Variants in KMT2C observed in about 807,000 individuals in gnomAD.
KMT2C encodes histone-lysine N-methyltransferase 2C.
KMT2C carries 88 observed loss-of-function variants against 507.9 expected under a neutral mutation model. The ratio of observed to expected loss-of-function variants is 0.17; its 90% CI spans 0.15 to 0.21. The LOEUF (loss-of-function observed/expected upper bound fraction) is 0.21. Ranked by LOEUF, KMT2C falls within the 10% of genes least tolerant of loss-of-function variation. KMT2C has a pLI of 1.00. For synonymous variants in KMT2C, 2,049 were observed against 2,080.8 expected (o/e 0.98, Z 0.42); for missense variants, 4,954 against 5,957.8 (o/e 0.83, Z 5.55).
chr7:152,250,807 T>C (rs2095551122), intron 12 of KMT2C, 46 bp downstream of exon 12: 2 of 1,005,282 alleles, frequency 2.0e-6, no homozygotes, highest in Non-Finnish European at 3.2e-6. Flanking sequence ...TTATTGTATA[T>C]ACACATTTTC....
At position 152,358,599 on chromosome 7, in the gene KMT2C, T is replaced by A. The variant is rs371748109; in HGVS notation, c.238A>T (p.Ile80Phe). 1 of 1,607,316 alleles carries A rather than the reference T, an allele frequency of 6.2e-7. No individual in the cohort carries two copies. Among genetic ancestry groups the A allele is most frequent in the South Asian group, 1.1e-5 (1 of 90,492 alleles). Residue 80 changes from isoleucine (I) to phenylalanine (F), a missense_variant, in exon 2 of 59, where the codon ATT (isoleucine) becomes TTT (phenylalanine). Transcript: ENST00000262189. ...DGLETTETET[I>F]VETEIKEQSA... Reference sequence around the variant, plus strand: ...TGAGTTCTGATACCTGTTTCCACAATCGTTTCTGTTTCTGTTGTCTCCAGC... The same window carrying A: ...TGAGTTCTGATACCTGTTTCCACAAACGTTTCTGTTTCTGTTGTCTCCAGC...
At chr7:152,372,170 G>C (rs184650568) in intron 1 of KMT2C, among the ~76,000 whole-genome samples, 5 of 151,824 alleles carry the variant, frequency 3.3e-5, no homozygotes, top group African/African-American at 9.7e-5. Flanking sequence ...ATTTTTGATT[G>C]TTTAAGACGG....
At chr7:152,215,981 C>T (rs1287768760) in intron 23 of KMT2C, among the ~76,000 whole-genome samples, 1 of 152,136 alleles carries the variant, frequency 6.6e-6, no homozygotes, top group Non-Finnish European at 1.5e-5. Flanking sequence ...GAAGCAGCCA[C>T]CTTCACCAGA....
chr7:152,211,177 C>A (rs920967685), intron 23 of KMT2C, among the ~76,000 whole-genome samples: 1 of 152,130 alleles, frequency 6.6e-6, no homozygotes, highest in African/African-American at 2.4e-5. Context: ...ATAGAGAGAA[C>A]CGAGTTCTTC....
At chr7:152,246,203 C>T (rs2129162634) in intron 14 of KMT2C, among the ~76,000 whole-genome samples, 1 of 152,254 alleles carries the variant, frequency 6.6e-6, no homozygotes, top group Non-Finnish European at 1.5e-5. Context: ...TTAGCAGGTT[C>T]ATCATCAAGT....
At chr7:152,372,526 G>C (rs979684618) in intron 1 of KMT2C, among the ~76,000 whole-genome samples, 1 of 152,170 alleles carries the variant, frequency 6.6e-6, no homozygotes, top group Non-Finnish European at 1.5e-5. Context: ...TTAAAGGACT[G>C]AGGCTGAAAG....
intron 6 of KMT2C, among the ~76,000 whole-genome samples, chr7:152,283,421 T>C (rs1471052994): frequency 1.3e-5 from 2 of 152,116 alleles, no homozygotes; most frequent in African/African-American, 4.8e-5. Context: ...ACTTAAATCA[T>C]GTCTTTTAAG....
intron 3 of KMT2C, among the ~76,000 whole-genome samples, chr7:152,327,377 C>T (rs1337481382): frequency 6.6e-6 from 1 of 152,134 alleles, no homozygotes. Context: ...CATACTGTGT[C>T]CTTAAGATCT....
At chr7:152,259,446 G>GA (rs2095721705) in intron 9 of KMT2C, among the ~76,000 whole-genome samples, 2 of 134,686 alleles carry the variant, frequency 1.5e-5, no homozygotes, top group African/African-American at 5.6e-5. Context: ...ACACACACGC[G>GA]CACACACACA....
chr7:152,233,798 G>A (rs1205009419), intron 16 of KMT2C, among the ~76,000 whole-genome samples: 2 of 152,164 alleles, frequency 1.3e-5, no homozygotes, highest in African/African-American at 2.4e-5. Flanking sequence ...TATGCAAGGA[G>A]AGACAGATAA....
chr7:152,392,703 G>C (rs910078581), intron 1 of KMT2C, among the ~76,000 whole-genome samples: 1 of 152,186 alleles, frequency 6.6e-6, no homozygotes, highest in African/African-American at 2.4e-5. Context: ...GAAGTGGTCT[G>C]GGTCACACAG....
rs1235467493 is a variant in KMT2C, at chr7:152,182,410, C to T, written c.5450G>A (p.Gly1817Glu). 2 of 1,613,420 alleles carry T rather than the reference C, an allele frequency of 1.2e-6. No individual in the cohort carries two copies. The highest frequency in any genetic ancestry group is 2.7e-5 in the African/African-American group (2 of 74,892). ...GAATGACTGTGCAGGAGACATATTT[C>T]CATTGCCAGGCTGAGGTGTCAAGGG... Reference protein sequence around the residue: ...QSPLTPQPGNGNMSPAQSFHK... With the variant: ...QSPLTPQPGNENMSPAQSFHK... The change falls in exon 36 of 59, where the codon GGA (glycine) becomes GAA (glutamate). Residue 1817 changes from glycine (G) to glutamate (E), a missense_variant. Around this residue, in one of 29 missense-constraint regions of KMT2C, gnomAD observed 1,689 missense variants for 1,654.3 expected, o/e 1.02. Transcript: ENST00000262189.
At chr7:152,162,060 T>C (rs1055091309) in intron 43 of KMT2C, 57 bp downstream of exon 43, 3 of 1,482,368 alleles carry the variant, frequency 2.0e-6, no homozygotes, top group Non-Finnish European at 2.7e-6. Flanking sequence ...ACTAATCTGC[T>C]GTAAGTATAA....
At chr7:152,199,902 G>A (rs749565319) in intron 26 of KMT2C, among the ~76,000 whole-genome samples, 14 of 152,048 alleles carry the variant, frequency 9.2e-5, no homozygotes, top group East Asian at 1.9e-4. Flanking sequence ...TCTGAAAGAC[G>A]GTTTTATAGT....
At chr7:152,348,599 T>TAAAAAAAAAAAAAAAAAAAAAAAAAAA (rs201530125) in intron 2 of KMT2C, among the ~76,000 whole-genome samples, 16 of 48,994 alleles carry the variant, frequency 3.3e-4, no homozygotes, top group East Asian at 6.5e-4. Context: ...AACTCTGTCT[T>TAAAAAAAAAAAAAAAAAAAAAAAAAAA]AAAAAAAAAA....
At chr7:152,430,344 T>C (rs1255990274) in intron 1 of KMT2C, among the ~76,000 whole-genome samples, 2 of 150,456 alleles carry the variant, frequency 1.3e-5, no homozygotes, top group African/African-American at 4.9e-5. Context: ...AATTAAAAGA[T>C]AAAAATGGAC....
intron 50 of KMT2C, 118 bp downstream of exon 50, chr7:152,151,324 G>A: frequency 9.5e-7 from 1 of 1,051,888 alleles, no homozygotes; most frequent in East Asian, 2.6e-5. Context: ...CCATCACCAG[G>A]AACATGTGTC....
At chr7:152,261,797 A>T (rs1588684180) in intron 9 of KMT2C, among the ~76,000 whole-genome samples, 1 of 152,316 alleles carries the variant, frequency 6.6e-6, no homozygotes, top group East Asian at 1.9e-4. Flanking sequence ...TAAGAGTGTA[A>T]ATATACAAAT....
At chr7:152,284,192 G>A (rs964208323) in intron 6 of KMT2C, among the ~76,000 whole-genome samples, 6 of 151,742 alleles carry the variant, frequency 4.0e-5, no homozygotes, top group African/African-American at 1.5e-4. Context: ...GAATTAAACT[G>A]AAAACATAAA....
Sources: allele counts gnomAD v4.1 joint callset (sites outside exome capture counted in the v4.1 genomes callset), GRCh38; gene constraint gnomAD v4.1.1; regional missense constraint gnomAD v4.1.1; transcripts MANE v1.5; gene names NCBI Gene and HGNC (gene_info 2026-07-23, HGNC 2026-07-21).